Variants in ACVR1B observed in about 807,000 individuals in gnomAD.
The protein encoded by ACVR1B is activin A receptor type 1B.
Under a neutral mutation model 55.6 loss-of-function variants are expected in ACVR1B, and 15 were observed. The observed-to-expected ratio is 0.27, with a 90% CI of 0.18 to 0.42. The LOEUF (loss-of-function observed/expected upper bound fraction) is 0.42. Ranked by LOEUF, ACVR1B falls within the 10% of genes least tolerant of loss-of-function variation. The pLI is 1.00. For missense variants in ACVR1B, 359 were observed against 670.1 expected, an observed-to-expected ratio of 0.54 and a Z score of 5.13; for synonymous variants, 247 against 254.6, an observed-to-expected ratio of 0.97 and a Z score of 0.28.
chr12:51,990,662 T>C (rs965434627), intron 7 of ACVR1B, among the ~76,000 whole-genome samples: 4 of 152,072 alleles, frequency 2.6e-5, no homozygotes, highest in Non-Finnish European at 5.9e-5. Flanking sequence ...ATTTCCCCAG[T>C]CTCCTAAATT....
At chr12:51,988,884 A>G (rs890965752) in intron 7 of ACVR1B, among the ~76,000 whole-genome samples, 1 of 152,176 alleles carries the variant, frequency 6.6e-6, no homozygotes, top group African/African-American at 2.4e-5. Flanking sequence ...TTGAGAGGCC[A>G]GGGTGGGCTG....
At chr12:51,985,863 A>G (rs1942066634) in intron 6 of ACVR1B, among the ~76,000 whole-genome samples, 2 of 152,172 alleles carry the variant, frequency 1.3e-5, no homozygotes, top group Non-Finnish European at 2.9e-5. Context: ...TGTGATTGCA[A>G]ATTGACTTCA....
At chr12:51,984,987 TCA>T (rs993280808) in intron 5 of ACVR1B, among the ~76,000 whole-genome samples, 11 of 152,218 alleles carry the variant, frequency 7.2e-5, no homozygotes, top group African/African-American at 2.7e-4. Context: ...CATTTAATCC[TCA>T]CAACAGTCCC....
At chr12:51,965,298 G>A (rs1374902468) in intron 1 of ACVR1B, among the ~76,000 whole-genome samples, 1 of 152,008 alleles carries the variant, frequency 6.6e-6, no homozygotes, top group Non-Finnish European at 1.5e-5. Flanking sequence ...TTTAAACGAG[G>A]AAACATGGAT....
chr12:51,953,670 A>G (rs1941355737), intron 1 of ACVR1B, among the ~76,000 whole-genome samples: 1 of 151,412 alleles, frequency 6.6e-6, no homozygotes, highest in Non-Finnish European at 1.5e-5. Context: ...TTAAATCCTC[A>G]TATAGGAATT....
At chr12:51,958,660 G>C (rs1592241935) in intron 1 of ACVR1B, among the ~76,000 whole-genome samples, 1 of 149,500 alleles carries the variant, frequency 6.7e-6, no homozygotes, top group African/African-American at 2.5e-5. Flanking sequence ...AAAAAAAAAA[G>C]AAAAGAAAGA....
intron 1 of ACVR1B, among the ~76,000 whole-genome samples, chr12:51,966,925 A>C (rs1350397143): frequency 6.6e-6 from 1 of 152,246 alleles, no homozygotes; most frequent in East Asian, 1.9e-4. Context: ...TATCAATGAC[A>C]AAAAATTAAA....
chr12:51,958,176 T>G (rs1941448251), intron 1 of ACVR1B, among the ~76,000 whole-genome samples: 1 of 152,318 alleles, frequency 6.6e-6, no homozygotes, highest in Non-Finnish European at 1.5e-5. Flanking sequence ...AATAAAATTG[T>G]AGAATTTCAC....
chr12:51,992,300 T>C, intron 8 of ACVR1B: 1 of 455,812 alleles, frequency 2.2e-6, no homozygotes. Context: ...AGCTCAGAAG[T>C]TCGAGACAAA....
rs1392260526 is a variant in ACVR1B, at chr12:51,994,069, A to G, written c.1477A>G (p.Thr493Ala). 6.2e-7 allele frequency: 1 copy of G among 1,613,966 alleles called. No individual in the cohort carries two copies. The highest frequency in any genetic ancestry group is 8.5e-7 in the Non-Finnish European group (1 of 1,180,016). The change falls in exon 9 of 9, where the codon ACC (threonine) becomes GCC (alanine). Residue 493 changes from threonine to alanine, a missense_variant. By Grantham distance (58) the Thr-to-Ala change is moderately conservative. Around this residue, in one of 5 missense-constraint regions of ACVR1B, gnomAD observed 53 missense variants for 78.5 expected, o/e 0.68. Transcript: ENST00000257963. The surrounding 1 kb of genome is among the most constrained non-coding windows in gnomAD (Gnocchi z 4.2). ...CCTGACGGCCCTGCGCATCAAGAAG[A>G]CCCTCTCCCAGCTCAGCGTGCAGGA... ...ARLTALRIKK[T>A]LSQLSVQEDV...
chr12:51,968,285 A>T (rs977055005), intron 1 of ACVR1B, among the ~76,000 whole-genome samples: 3 of 152,282 alleles, frequency 2.0e-5, no homozygotes, highest in Non-Finnish European at 4.4e-5. Flanking sequence ...CTATGGAAAC[A>T]TACAAGTCCA....
chr12:51,986,745 T>G, intron 6 of ACVR1B, 73 bp from the exon 7 acceptor site: 1 of 1,543,390 alleles, frequency 6.5e-7, no homozygotes, highest in Non-Finnish European at 8.7e-7. Context: ...AGAGGGCTCC[T>G]GAATCAATAC....
At chr12:51,959,123 C>A (rs761987597) in intron 1 of ACVR1B, among the ~76,000 whole-genome samples, 2 of 152,216 alleles carry the variant, frequency 1.3e-5, no homozygotes, top group African/African-American at 2.4e-5. Flanking sequence ...CCAAGATTCC[C>A]CATGTTTGGT....
Position 51,994,117 on chromosome 12 carries a change from C to T in ACVR1B, c.*7C>T. ...GGAAGACGTGAAGATCTAACTGCTC[C>T]CTCTCTCCACACGGAGCTCCTGGCA... On this transcript the variant is annotated 3_prime_UTR_variant, in exon 9 of 9. Transcript: ENST00000257963. This position sits in a 1 kb window ranked among gnomAD's most constrained non-coding sequence, Gnocchi z 4.2. 6.2e-7 allele frequency: 1 copy of T among 1,612,894 alleles called. No individual in the cohort carries two copies. The highest frequency in any genetic ancestry group is 8.5e-7 in the Non-Finnish European group (1 of 1,179,972).
chr12:51,993,961 G>A, intron 8 of ACVR1B, 24 bp from the exon 9 acceptor site: 3 of 1,613,152 alleles, frequency 1.9e-6, no homozygotes, highest in South Asian at 2.2e-5. Context: ...TGACCGAGCT[G>A]ATGGCTCCTG....
chr12:51,987,800 A>G (rs937771169), intron 7 of ACVR1B: 22 of 152,512 alleles, frequency 1.4e-4, no homozygotes, highest in African/African-American at 5.3e-4. Flanking sequence ...CAGGGTGACT[A>G]TAGTCAATAA....
chr12:51,990,695 G>A (rs1592262830), intron 7 of ACVR1B, among the ~76,000 whole-genome samples: 1 of 152,032 alleles, frequency 6.6e-6, no homozygotes, highest in East Asian at 1.9e-4. Context: ...TGTTCAAATC[G>A]GGGTTCCAAT....
chr12:51,970,001 C>G (rs1354619775), intron 1 of ACVR1B, among the ~76,000 whole-genome samples: 2 of 152,124 alleles, frequency 1.3e-5, no homozygotes, highest in South Asian at 2.1e-4. Context: ...ATGGTGAAAC[C>G]TTGAGGTTTC....
rs1180661388 is a variant in ACVR1B at position 51,975,357 on chromosome 12, A to T, written c.184A>T (p.Met62Leu). 2 of 1,614,168 alleles carry T rather than the reference A, an allele frequency of 1.2e-6. No homozygotes were observed. Among genetic ancestry groups the T allele is most frequent in the East Asian group, 2.2e-5 (1 of 44,886 alleles). Residue 62 changes from methionine to leucine, a missense_variant, in exon 2 of 9, where the codon ATG becomes TTG. Coordinates refer to ENST00000257963, the MANE Select transcript of ACVR1B (RefSeq NM_004302.5). The stretch of plus-strand genomic sequence containing the variant: ...GGTTTCCATTTTCAATCTGGATGGG[A>T]TGGAGCACCATGTGCGCACCTGCAT... ...CMVSIFNLDG[M>L]EHHVRTCIPK...
Sources: allele counts gnomAD v4.1 joint callset (sites outside exome capture counted in the v4.1 genomes callset), GRCh38; gene constraint gnomAD v4.1.1; regional missense constraint gnomAD v4.1.1; non-coding constraint Gnocchi (gnomAD v3.1); transcripts MANE v1.5; gene names NCBI Gene and HGNC (gene_info 2026-07-23, HGNC 2026-07-21).